The following B4GALT1 variants were observed in gnomAD, a reference collection of about 807,000 sequenced individuals.
B4GALT1 encodes the protein beta-1,4-galactosyltransferase 1.
In B4GALT1, 16 loss-of-function variants were observed where a neutral mutation model predicts 34.9. That is an observed-to-expected ratio of 0.46 (90% CI 0.31 to 0.70). The LOEUF (loss-of-function observed/expected upper bound fraction) is 0.70, where lower values mean the gene tolerates loss of function less well. Among genes scored for constraint, B4GALT1 ranks in the 30% least tolerant of loss-of-function variants. B4GALT1 has a pLI of 0.05. For missense variants in B4GALT1, 445 were observed against 530.5 expected (o/e 0.84, Z 1.58); for synonymous variants, 221 against 218.1 (o/e 1.01, Z -0.12).
At chr9:33,182,627 T>C in the B4GALT1 span, among the ~76,000 whole-genome samples, 1 of 152,176 alleles carries the variant, frequency 6.6e-6, no homozygotes, top group African/African-American at 2.4e-5. Context: ...CTCCTCCTTT[T>C]GCAAAATTAA....
At chr9:33,174,470 G>A in the B4GALT1 span, among the ~76,000 whole-genome samples, 11 of 151,918 alleles carry the variant, frequency 7.2e-5, no homozygotes, top group African/African-American at 2.4e-4. Flanking sequence ...CCAACACGGC[G>A]AAACCCCATC....
At chr9:33,168,654 C>T (rs1250116850), upstream of B4GALT1, among the ~76,000 whole-genome samples, 1 of 152,190 alleles carries the variant, frequency 6.6e-6, no homozygotes, top group Non-Finnish European at 1.5e-5. Flanking sequence ...CTTCACTGGC[C>T]ATTTCTGTCT....
At chr9:33,127,661 A>T (rs1840132446) in intron 2 of B4GALT1, among the ~76,000 whole-genome samples, 1 of 152,242 alleles carries the variant, frequency 6.6e-6, no homozygotes, top group Non-Finnish European at 1.5e-5. Flanking sequence ...AAGAGAGAAA[A>T]GACAAGTTAA....
chr9:33,111,636 C>G lies in B4GALT1; in HGVS notation c.*1818G>C, dbSNP rs943544271. Reference sequence around the variant, plus strand: ...AGATAAGACTGGGGCCAGGCACCAGCTCAGCCTCCACACTGAGGGCTGGTA... The same window carrying G: ...AGATAAGACTGGGGCCAGGCACCAGGTCAGCCTCCACACTGAGGGCTGGTA... On this transcript the variant is annotated 3_prime_UTR_variant, in exon 6 of 6. Coordinates refer to ENST00000379731, the MANE Select transcript of B4GALT1 (RefSeq NM_001497.4). The G allele has an allele frequency of 6.5e-6, 1 of 152,700 alleles. No homozygotes were observed. Among genetic ancestry groups the G allele is most frequent in the African/African-American group, 2.4e-5 (1 of 41,478 alleles). 9.5% of individuals were successfully genotyped at this position (152,700 alleles called of 1,614,324 possible). A position where few individuals can be genotyped will look rare whatever the true frequency, so the allele number is the denominator to read the frequency against.
chr9:33,150,142 T>TATACACACATACACACACACAC (rs3065241), intron 1 of B4GALT1, among the ~76,000 whole-genome samples: 20,277 of 85,912 alleles, frequency 0.24, 1,427 homozygotes, highest in African/African-American at 0.34. Context: ...GATATAGATA[T>TATACACACATACACACACACAC]AGATATATAC....
chr9:33,113,493 C>T lies in B4GALT1; in HGVS notation c.1158G>A (p.Leu386=). ...YQVLDVQRYP[L]YTQITVDIGT... ...CGATGTCCACTGTGATTTGGGTATACAATGGGTATCTCTGTACATCCAGCA... is the reference window on the plus strand; with the variant it reads ...CGATGTCCACTGTGATTTGGGTATATAATGGGTATCTCTGTACATCCAGCA... Residue 386 remains leucine (L), a synonymous_variant, in exon 6 of 6, where the codon TTG becomes TTA. Coordinates refer to ENST00000379731, the MANE Select transcript of B4GALT1 (RefSeq NM_001497.4). 2 of 1,614,198 alleles carry T rather than the reference C, an allele frequency of 1.2e-6. No homozygotes were observed. Among genetic ancestry groups the T allele is most frequent in the South Asian group, 1.1e-5 (1 of 91,078 alleles).
At position 33,112,099 on chromosome 9, in the gene B4GALT1, G is replaced by C. The variant is rs1356186145; in HGVS notation, c.*1355C>G. ...AAAAGGGAGACGAAGGAAGGAATGAGAAAGGCAGGGGAAAAGAGGAAGGAG... is the reference window on the plus strand; with the variant it reads ...AAAAGGGAGACGAAGGAAGGAATGACAAAGGCAGGGGAAAAGAGGAAGGAG... On this transcript the variant is annotated 3_prime_UTR_variant, in exon 6 of 6. Coordinates refer to ENST00000379731, the MANE Select transcript of B4GALT1 (RefSeq NM_001497.4). 1 of 153,078 alleles carries C rather than the reference G, an allele frequency of 6.5e-6. No homozygotes were observed. Among genetic ancestry groups the C allele is most frequent in the East Asian group, 1.9e-4 (1 of 5,216 alleles). The allele number at this position is 153,078 out of a possible 1,614,324, so 9.5% of individuals were successfully genotyped here.
intron 3 of B4GALT1, among the ~76,000 whole-genome samples, chr9:33,116,521 C>CTTTTTTTT (rs577170197): frequency 2.8e-5 from 3 of 107,304 alleles, no homozygotes; most frequent in Non-Finnish European, 5.2e-5. Flanking sequence ...CAAACCGGAT[C>CTTTTTTTT]TTTTTTTTTT....
the B4GALT1 span, chr9:33,174,427 T>C: frequency 6.6e-6 from 1 of 152,152 alleles, no homozygotes; most frequent in Non-Finnish European, 1.5e-5. Flanking sequence ...GGCAGGCAGA[T>C]CACCTGAGGT....
intron 1 of B4GALT1, among the ~76,000 whole-genome samples, chr9:33,141,975 T>C (rs956377290): frequency 2.6e-5 from 4 of 152,004 alleles, no homozygotes; most frequent in Non-Finnish European, 5.9e-5. Flanking sequence ...GTGTAGGAAA[T>C]GATTTCTTTC....
intron 1 of B4GALT1, among the ~76,000 whole-genome samples, chr9:33,136,364 G>A (rs1386933565): frequency 2.0e-5 from 3 of 152,134 alleles, no homozygotes; most frequent in Non-Finnish European, 4.4e-5. Flanking sequence ...TGGTACACGT[G>A]GTGCAGTCCA....
At chr9:33,163,938 G>A (rs1321978098) in intron 1 of B4GALT1, among the ~76,000 whole-genome samples, 2 of 152,122 alleles carry the variant, frequency 1.3e-5, no homozygotes, top group Non-Finnish European at 2.9e-5. Context: ...CCCAGAGCAG[G>A]GTGCCCGGTG....
At chr9:33,152,411 A>G (rs1840533269) in intron 1 of B4GALT1, among the ~76,000 whole-genome samples, 1 of 152,100 alleles carries the variant, frequency 6.6e-6, no homozygotes, top group African/African-American at 2.4e-5. Flanking sequence ...AAGAAGAGTG[A>G]CAGATGGAGA....
chr9:33,176,717 CAA>C, the B4GALT1 span, among the ~76,000 whole-genome samples: 3 of 152,058 alleles, frequency 2.0e-5, no homozygotes, highest in Non-Finnish European at 4.4e-5. Context: ...GGTGGAGGGA[CAA>C]GAGTTGAAAA....
intron 1 of B4GALT1, among the ~76,000 whole-genome samples, chr9:33,152,080 G>T (rs1447372797): frequency 6.6e-6 from 1 of 152,104 alleles, no homozygotes; most frequent in Non-Finnish European, 1.5e-5. Context: ...CACTTTGGGA[G>T]GATCATTTGA....
In B4GALT1 at chr9:33,116,262, T is replaced by C. The variant is rs1353018801; in HGVS notation, c.837-149A>G. 6.6e-6 allele frequency: 7 copies of C among 1,064,304 alleles called. No homozygotes were observed. In the African/African-American group the frequency reaches 9.7e-5, roughly 15 times the overall value. The allele number at this position is 1,064,304 out of a possible 1,614,324, so 65.9% of individuals were successfully genotyped here. A position where few individuals can be genotyped will look rare whatever the true frequency, so the allele number is the denominator to read the frequency against. On this transcript the variant is annotated intron_variant, in intron 3 of 5. Coordinates refer to ENST00000379731, the MANE Select transcript of B4GALT1 (RefSeq NM_001497.4). Reference sequence around the variant, plus strand: ...TTTATTTTTTTTTTGAGACGTAGTCTTGCTCTGTTGCCAGGCTGGAGTGCA... The same window carrying C: ...TTTATTTTTTTTTTGAGACGTAGTCCTGCTCTGTTGCCAGGCTGGAGTGCA...
chr9:33,175,520 G>A, the B4GALT1 span, among the ~76,000 whole-genome samples: 20 of 152,204 alleles, frequency 1.3e-4, no homozygotes, highest in South Asian at 2.1e-4. Flanking sequence ...GATGTGCCAC[G>A]TAACAACATT....
At chr9:33,118,338 G>A (rs772345150) in intron 3 of B4GALT1, among the ~76,000 whole-genome samples, 2 of 152,122 alleles carry the variant, frequency 1.3e-5, no homozygotes, top group African/African-American at 2.4e-5. Flanking sequence ...AGGAAGAAAT[G>A]ATGAGAATAA....
At chr9:33,160,555 T>G (rs1246932914) in intron 1 of B4GALT1, among the ~76,000 whole-genome samples, 1 of 152,152 alleles carries the variant, frequency 6.6e-6, no homozygotes, top group Non-Finnish European at 1.5e-5. Context: ...TCACTTGAGC[T>G]CTGGAGTTCG....
Sources: allele counts gnomAD v4.1 joint callset (sites outside exome capture counted in the v4.1 genomes callset), GRCh38; gene constraint gnomAD v4.1.1; transcripts MANE v1.5; gene names NCBI Gene and HGNC (gene_info 2026-07-23, HGNC 2026-07-21).